Variants in SLC9A7 observed in about 807,000 individuals in gnomAD.
SLC9A7 encodes sodium/hydrogen exchanger 7.
In SLC9A7, 19 loss-of-function variants were observed where a neutral mutation model predicts 52.6. The observed-to-expected ratio is 0.36, with a 90% CI of 0.25 to 0.53. The LOEUF (loss-of-function observed/expected upper bound fraction) is 0.53. Ranked by LOEUF, SLC9A7 falls within the 20% of genes least tolerant of loss-of-function variation. The probability of loss-of-function intolerance (pLI) is 0.91; values close to 1 mark genes in which losing one functional copy is unlikely to be tolerated. For missense variants in SLC9A7, 455 were observed against 597.9 expected (o/e 0.76, Z 2.49); for synonymous variants, 226 against 252.1 (o/e 0.90, Z 0.98).
intron 15 of SLC9A7, among the ~76,000 whole-genome samples, chrX:46,614,036 G>T (rs1942903404): frequency 9.0e-6 from 1 of 111,667 alleles, no homozygotes; most frequent in Admixed American, 9.5e-5. Flanking sequence ...CTAACACAAG[G>T]CTTTTCAACC....
rs752196250 is a variant in SLC9A7 at position 46,643,397 on chromosome X, G to A, written c.1463-8C>T. ...CCATTGCTCCCCTGAGGCCTGCGGG[G>A]ACCAAAGAAGAAGATCTACTTATAA... On this transcript the variant is annotated splice_polypyrimidine_tract_variant and splice_region_variant and intron_variant, in intron 11 of 16. Transcript: ENST00000616978. 35 of 1,195,187 alleles carry A rather than the reference G, an allele frequency of 2.9e-5. No homozygotes were observed. Among genetic ancestry groups the A allele is most frequent in the Middle Eastern group, 2.3e-4 (1 of 4,329 alleles).
intron 1 of SLC9A7, among the ~76,000 whole-genome samples, chrX:46,753,986 AAATAAT>A (rs201115168): frequency 3.0e-5 from 3 of 101,091 alleles, no homozygotes; most frequent in Non-Finnish European, 5.9e-5. Context: ...ACTCTGTCTC[AAATAAT>A]AATAATAATA....
At chrX:46,743,262 G>C (rs1921501009) in intron 1 of SLC9A7, among the ~76,000 whole-genome samples, 1 of 111,823 alleles carries the variant, frequency 8.9e-6, no homozygotes, top group Non-Finnish European at 1.9e-5. Flanking sequence ...CTGGGAACTT[G>C]GCCTGTGAGA....
intron 1 of SLC9A7, among the ~76,000 whole-genome samples, chrX:46,744,936 C>T (rs1018618871): frequency 1.8e-5 from 2 of 109,139 alleles, no homozygotes; most frequent in African/African-American, 6.7e-5. Context: ...GACTCAAGAA[C>T]AAGACAACTT....
chrX:46,664,809 T>G (rs1943889977), intron 5 of SLC9A7, among the ~76,000 whole-genome samples: 1 of 110,557 alleles, frequency 9.0e-6, no homozygotes, highest in South Asian at 3.9e-4. Flanking sequence ...TGGGGTACAG[T>G]GGTGTGATTA....
rs774475869 is a variant in SLC9A7, at chrX:46,631,571, T to G, written c.1740+15A>C. On this transcript the variant is annotated intron_variant, in intron 14 of 16. Coordinates refer to ENST00000616978, the MANE Select transcript of SLC9A7 (RefSeq NM_001257291.2). ...CAAATGTCTTCCCCAGGAAGAAGCATCTCTTGTGACTTACCCCTTGTAAGA... is the reference window on the plus strand; with the variant it reads ...CAAATGTCTTCCCCAGGAAGAAGCAGCTCTTGTGACTTACCCCTTGTAAGA... The G allele has an allele frequency of 8.3e-7, 1 of 1,199,573 alleles. No homozygotes were observed. The highest frequency in any genetic ancestry group is 3.0e-5 in the East Asian group (1 of 33,802).
At chrX:46,757,552 T>C (rs1922765820) in intron 1 of SLC9A7, among the ~76,000 whole-genome samples, 1 of 112,728 alleles carries the variant, frequency 8.9e-6, no homozygotes, top group African/African-American at 3.2e-5. Flanking sequence ...TTCCATTCTC[T>C]ATCAGGGCAC....
intron 6 of SLC9A7, 37 bp downstream of exon 6, chrX:46,662,500 TG>T: frequency 9.7e-7 from 1 of 1,026,504 alleles, no homozygotes; most frequent in South Asian, 2.0e-5. Context: ...TAGAGGAAAC[TG>T]GGGTGTCTCT....
chrX:46,668,545 G>C, intron 5 of SLC9A7, among the ~76,000 whole-genome samples: 1 of 111,481 alleles, frequency 9.0e-6, no homozygotes, highest in African/African-American at 3.3e-5. Flanking sequence ...ATGCTATACA[G>C]ATACAATGGA....
intron 1 of SLC9A7, among the ~76,000 whole-genome samples, chrX:46,720,459 CCT>C (rs1474745284): frequency 1.3e-3 from 149 of 110,771 alleles, no homozygotes; most frequent in Middle Eastern, 4.6e-3. Context: ...CTGCTTCTCC[CCT>C]GATTCCCCAA....
chrX:46,737,717 G>A (rs1158255609), intron 1 of SLC9A7, among the ~76,000 whole-genome samples: 1 of 111,510 alleles, frequency 9.0e-6, no homozygotes, highest in Non-Finnish European at 1.9e-5. Flanking sequence ...TGAATATTTT[G>A]CTAATCAGTC....
intron 1 of SLC9A7, among the ~76,000 whole-genome samples, chrX:46,702,029 A>G (rs1031058757): frequency 1.3e-4 from 15 of 111,214 alleles, no homozygotes; most frequent in Non-Finnish European, 2.1e-4. Flanking sequence ...AGTATTACAG[A>G]TATATGTTGT....
intron 14 of SLC9A7, among the ~76,000 whole-genome samples, chrX:46,630,513 C>T (rs1037730543): frequency 6.2e-5 from 7 of 112,167 alleles, no homozygotes; most frequent in Non-Finnish European, 1.1e-4. Context: ...CAATGCTGAA[C>T]GACATAGTTA....
Position 46,607,049 on chromosome X carries a change from C to G in SLC9A7, c.2084G>C (p.Ser695Thr). The change falls in exon 17 of 17, where the codon AGC becomes ACC. Residue 695 changes from serine to threonine, a missense_variant. Ser to Thr is a moderately conservative substitution (Grantham distance 58, BLOSUM62 1). Around this residue, in one of 3 missense-constraint regions of SLC9A7, gnomAD observed 146 missense variants for 160.5 expected, o/e 0.91. Coordinates refer to ENST00000616978, the MANE Select transcript of SLC9A7 (RefSeq NM_001257291.2). ...GTCTCGCTCCAGCACTTCCTCCGAG[C>G]TGCTCTTCGTTCTCCGGCTGCCCTC... ...SLEGSRRTKS[S>T]SEEVLERDLG... The G allele has an allele frequency of 8.3e-7, 1 of 1,211,893 alleles. No individual in the cohort carries two copies. Among genetic ancestry groups the G allele is most frequent in the Non-Finnish European group, 1.1e-6 (1 of 895,548 alleles).
chrX:46,687,317 G>C (rs1263777501), intron 1 of SLC9A7, among the ~76,000 whole-genome samples: 3 of 112,269 alleles, frequency 2.7e-5, no homozygotes, highest in South Asian at 3.7e-4. Flanking sequence ...GTGATCACCT[G>C]ATCAGTGTGG....
intron 1 of SLC9A7, among the ~76,000 whole-genome samples, chrX:46,738,049 AAGAAAGAAAGAAAGAAAG>A: frequency 2.3e-5 from 1 of 43,670 alleles, no homozygotes; most frequent in East Asian, 4.2e-4. Context: ...GAAAGAAAGA[AAGAAAGAAAGAAAGAAAG>A]AAAGAAAGAA....
At chrX:46,655,577 G>A (rs1443583886) in intron 7 of SLC9A7, among the ~76,000 whole-genome samples, 2 of 112,230 alleles carry the variant, frequency 1.8e-5, no homozygotes, top group Non-Finnish European at 3.8e-5. Flanking sequence ...AGGGGTCAGG[G>A]AGTTCCCTTT....
intron 11 of SLC9A7, chrX:46,647,249 C>T (rs1024040565): frequency 3.2e-5 from 6 of 184,947 alleles, no homozygotes; most frequent in African/African-American, 8.9e-5. Context: ...GGGCTCAGGG[C>T]GGTGTCCTTC....
chrX:46,680,953 T>C (rs1368652220), intron 2 of SLC9A7, among the ~76,000 whole-genome samples: 1 of 112,053 alleles, frequency 8.9e-6, no homozygotes, highest in Non-Finnish European at 1.9e-5. Flanking sequence ...ACCTACCCAA[T>C]ATGAGGACAC....
Sources: gnomAD v4.1 joint callset for allele counts (sites outside exome capture counted in the v4.1 genomes callset) on GRCh38, gnomAD v4.1.1 for gene constraint, gnomAD v4.1.1 regional missense constraint, MANE v1.5 for transcripts, NCBI Gene and HGNC (gene_info 2026-07-23, HGNC 2026-07-21) for gene names.